AXIN1: variants seen among roughly 807,000 people sequenced by gnomAD.
AXIN1 encodes the protein axin 1.
Under a neutral mutation model 76.4 loss-of-function variants are expected in AXIN1, and 30 were observed. The observed-to-expected ratio is 0.39, with a 90% confidence interval of 0.29 to 0.53. The LOEUF (loss-of-function observed/expected upper bound fraction) is 0.53, where lower values mean the gene tolerates loss of function less well. AXIN1 is among the 20% of genes least tolerant of loss of function. The pLI, the probability that AXIN1 is intolerant of heterozygous loss-of-function variation, is 0.66. For missense variants in AXIN1, 1,140 were observed against 1,198.8 expected (o/e 0.95, Z 0.72); for synonymous variants, 545 against 501.4 (o/e 1.09, Z -1.16).
At chr16:327,618 G>A (rs1423250830) in intron 2 of AXIN1, among the ~76,000 whole-genome samples, 5 of 152,194 alleles carry the variant, frequency 3.3e-5, no homozygotes, top group South Asian at 2.1e-4. Context: ...CAGCACAGGC[G>A]GGGCAGCCCT....
chr16:313,915 A>G (rs767271054), intron 3 of AXIN1, among the ~76,000 whole-genome samples: 11 of 152,246 alleles, frequency 7.2e-5, no homozygotes, highest in Non-Finnish European at 1.5e-4. Context: ...CCCAGGCCTC[A>G]GCACAACCAC....
At chr16:338,181 A>G (rs1422332563) in intron 2 of AXIN1, among the ~76,000 whole-genome samples, 2 of 152,218 alleles carry the variant, frequency 1.3e-5, no homozygotes, top group Non-Finnish European at 2.9e-5. Flanking sequence ...GCGTTTGACA[A>G]GGATGAGCAG....
chr16:323,454 G>A (rs1412911584), intron 2 of AXIN1, among the ~76,000 whole-genome samples: 2,252 of 127,210 alleles, frequency 0.018, 90 homozygotes, highest in African/African-American at 0.066. Flanking sequence ...AAAAAAAAAA[G>A]AAAGAAAAAA....
At chr16:304,513 G>A (rs2052965531) in intron 4 of AXIN1, 72 bp from the exon 5 acceptor site, 4 of 1,602,528 alleles carry the variant, frequency 2.5e-6, no homozygotes, top group Non-Finnish European at 3.4e-6. Flanking sequence ...TGAAGGGAAA[G>A]AGCGTGTGCT....
chr16:320,593 C>T lies in AXIN1; in HGVS notation c.879-5910G>A, dbSNP rs566575427. ...CAAATTTGAGAGAGTTCCAGCTTTC[C>T]TCATCAATTACCTTTAAAATTACTA... is the stretch of plus-strand genomic sequence containing the variant. On this transcript the variant is annotated intron_variant, in intron 2 of 10. Coordinates refer to ENST00000262320, the MANE Select transcript of AXIN1 (RefSeq NM_003502.4). Among the ~76,000 whole-genome samples the T allele has an allele frequency of 8.6e-5, 13 of 151,790 alleles. No homozygotes were observed. The South Asian group carries it at 2.7e-3, about 32-fold the overall frequency.
At chr16:311,246 G>A (rs1432776267) in intron 3 of AXIN1, among the ~76,000 whole-genome samples, 1 of 151,086 alleles carries the variant, frequency 6.6e-6, no homozygotes, top group Non-Finnish European at 1.5e-5. Context: ...TAACCACGAT[G>A]GTCTCAATCT....
chr16:293,793 T>C lies in AXIN1; in HGVS notation c.1956-75A>G. The C allele has an allele frequency of 1.4e-6, 2 of 1,431,776 alleles. No homozygotes were observed. The highest frequency in any genetic ancestry group is 2.8e-5 in the African/African-American group (2 of 71,402). 88.7% of individuals were successfully genotyped at this position (1,431,776 alleles called of 1,614,324 possible). On this transcript the variant is annotated intron_variant, in intron 7 of 10. Coordinates refer to ENST00000262320, the MANE Select transcript of AXIN1 (RefSeq NM_003502.4). This position sits in a 1 kb window ranked among gnomAD's most constrained non-coding sequence, Gnocchi z 4.6. ...GTGGCCTGGTGGGGCTACACTCATC[T>C]CACAAGGGCAGCCTCCTTGAGGGAT...
rs115937510 is a variant in AXIN1 at position 315,064 on chromosome 16, G to A, written c.879-381C>T. On this transcript the variant is annotated intron_variant, in intron 2 of 10. Transcript: ENST00000262320. Reference sequence around the variant, plus strand: ...GAGGACACTGGGTTTTGATCAGGATGAGGCCCTTGGGATTCAGCTCAGACG... The same window carrying A: ...GAGGACACTGGGTTTTGATCAGGATAAGGCCCTTGGGATTCAGCTCAGACG... 8.2e-3 allele frequency among the ~76,000 whole-genome samples: 1,248 copies of A among 152,294 alleles called. 18 individuals carry two copies. The highest frequency in any genetic ancestry group is 0.028 in the African/African-American group (1,174 of 41,558).
intron 2 of AXIN1, among the ~76,000 whole-genome samples, chr16:323,987 CACAG>C (rs1461902773): frequency 6.6e-6 from 1 of 152,130 alleles, no homozygotes; most frequent in African/African-American, 2.4e-5. Flanking sequence ...CCCCAAAGCC[CACAG>C]GAGAGCCCCA....
chr16:312,945 G>A (rs1240834838), intron 3 of AXIN1, among the ~76,000 whole-genome samples: 1 of 151,976 alleles, frequency 6.6e-6, no homozygotes, highest in Non-Finnish European at 1.5e-5. Flanking sequence ...CCCAGCACTC[G>A]TGAGGCTGAA....
chr16:325,409 G>A (rs753356774), intron 2 of AXIN1, among the ~76,000 whole-genome samples: 22 of 152,326 alleles, frequency 1.4e-4, no homozygotes, highest in East Asian at 1.4e-3. Context: ...CTTTTATGCC[G>A]TGGCATGCCA....
chr16:329,272 CAAAAAAAAA>C (rs1176095680), intron 2 of AXIN1, among the ~76,000 whole-genome samples: 2 of 71,184 alleles, frequency 2.8e-5, no homozygotes, highest in African/African-American at 5.3e-5. Context: ...GCGAGACTGT[CAAAAAAAAA>C]AAAAAAAAAA....
At chr16:339,157 C>T (rs1487981592) in intron 2 of AXIN1, among the ~76,000 whole-genome samples, 3 of 134,204 alleles carry the variant, frequency 2.2e-5, no homozygotes, top group Non-Finnish European at 3.1e-5. Flanking sequence ...ACGGGCAGAT[C>T]ACTTGAGGTC....
At chr16:296,751 T>A (rs2052721658) in intron 7 of AXIN1, among the ~76,000 whole-genome samples, 1 of 151,568 alleles carries the variant, frequency 6.6e-6, no homozygotes, top group African/African-American at 2.4e-5. Flanking sequence ...CATGTGGGGG[T>A]CAGACTGGAA....
At chr16:325,641 G>A (rs1170692676) in intron 2 of AXIN1, among the ~76,000 whole-genome samples, 1 of 152,234 alleles carries the variant, frequency 6.6e-6, no homozygotes, top group African/African-American at 2.4e-5. Context: ...AGCGGTCACC[G>A]CCCCAGAGTG....
chr16:351,963 T>C (rs1277020679), intron 1 of AXIN1, among the ~76,000 whole-genome samples: 2 of 152,224 alleles, frequency 1.3e-5, no homozygotes, highest in South Asian at 2.1e-4. Flanking sequence ...GGCATCAACC[T>C]GGAGGGTACG....
At chr16:314,983 C>G (rs1311219386) in intron 2 of AXIN1, among the ~76,000 whole-genome samples, 1 of 152,180 alleles carries the variant, frequency 6.6e-6, no homozygotes, top group Non-Finnish European at 1.5e-5. Flanking sequence ...GTTTTCCGTG[C>G]ACGGTACTAG....
chr16:316,903 C>T (rs1044860795), intron 2 of AXIN1, among the ~76,000 whole-genome samples: 8 of 152,116 alleles, frequency 5.3e-5, no homozygotes, highest in African/African-American at 1.4e-4. Context: ...ATGTGTCCCC[C>T]GAGGGGTGAT....
intron 2 of AXIN1, among the ~76,000 whole-genome samples, chr16:330,912 A>G (rs2053678845): frequency 6.6e-6 from 1 of 152,214 alleles, no homozygotes; most frequent in South Asian, 2.1e-4. Flanking sequence ...ATTGCAGGCA[A>G]TTTAGAGTCA....
Sources: gnomAD v4.1 joint callset for allele counts (sites outside exome capture counted in the v4.1 genomes callset) on GRCh38, gnomAD v4.1.1 for gene constraint, Gnocchi (gnomAD v3.1) non-coding constraint, MANE v1.5 for transcripts, NCBI Gene and HGNC (gene_info 2026-07-23, HGNC 2026-07-21) for gene names.